Variants in SORCS1 observed in about 807,000 individuals in gnomAD.
SORCS1 encodes the protein VPS10 domain-containing receptor SorCS1.
SORCS1 carries 60 observed loss-of-function variants against 146.1 expected under a neutral mutation model. The ratio of observed to expected loss-of-function variants is 0.41; its 90% CI spans 0.33 to 0.51. The LOEUF is 0.51. SORCS1 is among the 20% of genes least tolerant of loss of function. The probability of loss-of-function intolerance (pLI) is 0.21; values close to 1 mark genes in which losing one functional copy is unlikely to be tolerated. For synonymous variants in SORCS1, 637 were observed against 584.0 expected, an observed-to-expected ratio of 1.09 and a Z score of -1.31; for missense variants, 1,352 against 1,487.6, an observed-to-expected ratio of 0.91 and a Z score of 1.50.
chr10:107,156,383 C>T (rs573162029), intron 1 of SORCS1, among the ~76,000 whole-genome samples: 21 of 152,074 alleles, frequency 1.4e-4, no homozygotes, highest in Admixed American at 1.2e-3. Flanking sequence ...GATAACAGTA[C>T]GTAGTTCATA....
At chr10:106,618,504 T>G (rs1427873224) in intron 20 of SORCS1, among the ~76,000 whole-genome samples, 1 of 152,186 alleles carries the variant, frequency 6.6e-6, no homozygotes, top group Non-Finnish European at 1.5e-5. Context: ...ATTCCTGATA[T>G]CATCCTGATT....
At chr10:106,749,799 C>G (rs567045972) in intron 5 of SORCS1, among the ~76,000 whole-genome samples, 2 of 152,146 alleles carry the variant, frequency 1.3e-5, no homozygotes, top group East Asian at 3.8e-4. Flanking sequence ...TGTAACCAAC[C>G]TGAATGATCT....
rs565564732 is a variant in SORCS1, at chr10:107,005,313, G to A, written c.559-48733C>T. 1.8e-3 allele frequency among the ~76,000 whole-genome samples: 271 copies of A among 148,146 alleles called. 1 individual carries two copies. The highest frequency in any genetic ancestry group is 3.4e-3 in the Admixed American group (50 of 14,830). On this transcript the variant is annotated intron_variant, in intron 1 of 25. Coordinates refer to ENST00000263054, the MANE Select transcript of SORCS1 (RefSeq NM_052918.5). ...TATTCCAGGCTGGGTGAGACAGAAC[G>A]AGACTTTGTCTCTTTCGGGGGCGGG...
chr10:106,966,956 C>A (rs1955523337), intron 1 of SORCS1, among the ~76,000 whole-genome samples: 1 of 152,146 alleles, frequency 6.6e-6, no homozygotes, highest in South Asian at 2.1e-4. Flanking sequence ...CTATCAGACT[C>A]TAGTCATAGA....
At position 106,885,698 on chromosome 10, in the gene SORCS1, C is replaced by T. The variant is rs573243683; in HGVS notation, c.627-56025G>A. Among the ~76,000 whole-genome samples the T allele has an allele frequency of 1.5e-3, 228 of 152,174 alleles. 1 individual carries two copies. The highest frequency in any genetic ancestry group is 2.7e-3 in the Non-Finnish European group (187 of 68,002). On this transcript the variant is annotated intron_variant, in intron 2 of 25. Coordinates refer to ENST00000263054, the MANE Select transcript of SORCS1 (RefSeq NM_052918.5). ...CATGTGATATTGTTTGGCTGTGTCCCCCCCCAAATCTCATCTTGAATTGTA... is the reference window on the plus strand; with the variant it reads ...CATGTGATATTGTTTGGCTGTGTCCTCCCCCAAATCTCATCTTGAATTGTA...
At chr10:106,896,273 A>T (rs1482165456) in intron 2 of SORCS1, among the ~76,000 whole-genome samples, 2 of 152,048 alleles carry the variant, frequency 1.3e-5, no homozygotes, top group Admixed American at 6.6e-5. Context: ...TACTAAAAAT[A>T]TAGAAAGTAG....
chr10:106,683,135 C>T (rs995916093), intron 10 of SORCS1, among the ~76,000 whole-genome samples: 9 of 152,282 alleles, frequency 5.9e-5, no homozygotes, highest in South Asian at 4.1e-4. Context: ...CTGCAAACCC[C>T]GAAACCCATA....
intron 2 of SORCS1, among the ~76,000 whole-genome samples, chr10:106,952,354 C>T (rs1157366027): frequency 1.3e-5 from 2 of 152,004 alleles, no homozygotes; most frequent in Non-Finnish European, 2.9e-5. Context: ...CCTAGTTTCC[C>T]TCAAGCAAGG....
intron 25 of SORCS1, chr10:106,579,159 T>TTGGGCC (rs1564738825): frequency 1.2e-6 from 2 of 1,614,078 alleles, no homozygotes; most frequent in Admixed American, 3.3e-5. Flanking sequence ...CTGAGGGACA[T>TTGGGCC]TGGGCCTGCT....
chr10:106,671,495 C>A, intron 15 of SORCS1, 128 bp from the exon 16 acceptor site: 1 of 1,338,666 alleles, frequency 7.5e-7, no homozygotes, highest in South Asian at 1.4e-5. Flanking sequence ...CCTCTTTGTG[C>A]TAACAACATT....
At chr10:106,728,042 T>A (rs1172999528) in intron 6 of SORCS1, among the ~76,000 whole-genome samples, 1 of 151,742 alleles carries the variant, frequency 6.6e-6, no homozygotes, top group Non-Finnish European at 1.5e-5. Flanking sequence ...AGCAAGACTT[T>A]TTTTTTTTGA....
chr10:106,691,761 C>A (rs1328590519), intron 9 of SORCS1, among the ~76,000 whole-genome samples: 2 of 152,168 alleles, frequency 1.3e-5, no homozygotes, highest in African/African-American at 4.8e-5. Context: ...TCCTGATTAT[C>A]CCAACACTTC....
intron 1 of SORCS1, among the ~76,000 whole-genome samples, chr10:107,070,266 T>TTGTG (rs35586981): frequency 4.0e-5 from 6 of 150,666 alleles, no homozygotes; most frequent in African/African-American, 4.9e-5. Flanking sequence ...CGTAAACAGT[T>TTGTG]TGTGTGTGTG....
intron 2 of SORCS1, among the ~76,000 whole-genome samples, chr10:106,850,598 C>G (rs1424430495): frequency 6.6e-6 from 1 of 152,174 alleles, no homozygotes; most frequent in Non-Finnish European, 1.5e-5. Flanking sequence ...ATTCGGCCAT[C>G]TTGGCTCCTC....
intron 9 of SORCS1, among the ~76,000 whole-genome samples, chr10:106,692,219 TTTTG>T (rs1030023209): frequency 8.6e-5 from 13 of 152,036 alleles, no homozygotes; most frequent in South Asian, 2.1e-4. Context: ...TTTTGGGTTC[TTTTG>T]TTTGTTTGTT....
At chr10:107,045,819 T>C (rs1959342412) in intron 1 of SORCS1, among the ~76,000 whole-genome samples, 1 of 151,338 alleles carries the variant, frequency 6.6e-6, no homozygotes, top group African/African-American at 2.4e-5. Context: ...GTTCTTATTC[T>C]GTCACCCAGG....
At chr10:107,096,604 T>C (rs1590127233) in intron 1 of SORCS1, among the ~76,000 whole-genome samples, 2 of 152,150 alleles carry the variant, frequency 1.3e-5, no homozygotes, top group Admixed American at 6.5e-5. Flanking sequence ...CTCCACCTCC[T>C]GGGTTCAAGC....
At chr10:106,862,240 C>CT (rs1950041552) in intron 2 of SORCS1, among the ~76,000 whole-genome samples, 1 of 152,162 alleles carries the variant, frequency 6.6e-6, no homozygotes, top group Admixed American at 6.5e-5. Flanking sequence ...TGGAGACATT[C>CT]AGGGTCAGAG....
intron 5 of SORCS1, among the ~76,000 whole-genome samples, chr10:106,743,475 A>G (rs1276793087): frequency 1.3e-5 from 2 of 152,202 alleles, no homozygotes; most frequent in Non-Finnish European, 2.9e-5. Flanking sequence ...GCTGGAGTGC[A>G]GAGCAATGGT....
Sources: gnomAD v4.1 joint callset for allele counts (sites outside exome capture counted in the v4.1 genomes callset) on GRCh38, gnomAD v4.1.1 for gene constraint, MANE v1.5 for transcripts, NCBI Gene and HGNC (gene_info 2026-07-23, HGNC 2026-07-21) for gene names.